Variants in OSBPL11 observed in about 807,000 individuals in gnomAD.
OSBPL11 encodes oxysterol-binding protein-related protein 11.
In OSBPL11, 33 loss-of-function variants were observed where a neutral mutation model predicts 84.4. The observed-to-expected ratio is 0.39, with a 90% CI of 0.30 to 0.52. OSBPL11 has a LOEUF of 0.52. OSBPL11 is among the 20% of genes least tolerant of loss of function. OSBPL11 has a pLI of 0.72. For synonymous variants in OSBPL11, 276 were observed against 310.2 expected, an observed-to-expected ratio of 0.89 and a Z score of 1.16; for missense variants, 736 against 901.1, an observed-to-expected ratio of 0.82 and a Z score of 2.35.
intron 6 of OSBPL11, among the ~76,000 whole-genome samples, chr3:125,564,355 T>G (rs1215345487): frequency 2.0e-5 from 3 of 152,178 alleles, no homozygotes; most frequent in Non-Finnish European, 2.9e-5. Context: ...TTCGAAATCA[T>G]TTTTTAAAAA....
intron 5 of OSBPL11, among the ~76,000 whole-genome samples, chr3:125,568,688 C>G (rs1936199108): frequency 1.3e-5 from 2 of 152,154 alleles, no homozygotes; most frequent in South Asian, 4.1e-4. Flanking sequence ...TGGATGCAAG[C>G]TTTTCAGTTT....
At chr3:125,562,479 T>C (rs1464879988) in intron 7 of OSBPL11, among the ~76,000 whole-genome samples, 2 of 152,226 alleles carry the variant, frequency 1.3e-5, no homozygotes, top group East Asian at 1.9e-4. Flanking sequence ...GCCTGTCTTA[T>C]CAAGCCAAAA....
At chr3:125,563,269 A>G (rs1475655088) in intron 7 of OSBPL11, among the ~76,000 whole-genome samples, 1 of 152,176 alleles carries the variant, frequency 6.6e-6, no homozygotes, top group Non-Finnish European at 1.5e-5. Flanking sequence ...AAGTAGGGTA[A>G]TACTTGAAAC....
intron 9 of OSBPL11, among the ~76,000 whole-genome samples, chr3:125,548,337 A>G (rs1329824469): frequency 1.3e-5 from 2 of 152,156 alleles, no homozygotes; most frequent in Non-Finnish European, 2.9e-5. Flanking sequence ...GTATAATGGG[A>G]AAAAATTGTT....
chr3:125,552,068 C>T (rs1019037013), intron 9 of OSBPL11, 113 bp downstream of exon 9: 63 of 578,546 alleles, frequency 1.1e-4, no homozygotes, highest in Non-Finnish European at 1.4e-4. Flanking sequence ...TCCTTTCTTT[C>T]CTGTTCTAAA....
At chr3:125,530,710 T>G (rs1360603223) in intron 12 of OSBPL11, 130 bp from the exon 13 acceptor site, 1 of 753,212 alleles carries the variant, frequency 1.3e-6, no homozygotes, top group Non-Finnish European at 2.3e-6. Context: ...TGTGAAGGAA[T>G]AAAGTCTTTG....
chr3:125,530,504 G>T lies in OSBPL11; in HGVS notation c.*11C>A, dbSNP rs771833550. On this transcript the variant is annotated 3_prime_UTR_variant, in exon 13 of 13. Transcript: ENST00000296220. ...AAGAACCTCATTTGGTCGAGTTTTA[G>T]ATAGTATGTGTCACTCTGCTGGTTG... 1.9e-6 allele frequency: 3 copies of T among 1,612,122 alleles called. No homozygotes were observed. The Admixed American group carries it at 5.0e-5, about 27-fold the overall frequency.
intron 1 of OSBPL11, among the ~76,000 whole-genome samples, chr3:125,594,348 A>G (rs1187294235): frequency 6.6e-6 from 1 of 152,248 alleles, no homozygotes; most frequent in East Asian, 1.9e-4. Flanking sequence ...AGGCAAAAGC[A>G]GAAGTGAGTA....
chr3:125,567,808 C>T (rs1207335268), intron 5 of OSBPL11, among the ~76,000 whole-genome samples: 1 of 151,746 alleles, frequency 6.6e-6, no homozygotes, highest in Non-Finnish European at 1.5e-5. Context: ...GCCTAGGCAA[C>T]ATAGCAAGAC....
In OSBPL11 at chr3:125,560,457, G is replaced by A. The variant is rs1312418860; in HGVS notation, c.1077C>T (p.Asp359=). The stretch of plus-strand genomic sequence containing the variant: ...TACGTTGTTCTTCTACAGCTCCCAG[G>A]TCATCCTCTTTGTGGTCACATGTAT... The part of the protein sequence containing the change: ...IEDTCDHKED[D]LGAVEEQRSV... Residue 359 remains aspartate, a synonymous_variant, in exon 8 of 13, where the codon GAC becomes GAT. Coordinates refer to ENST00000296220, the MANE Select transcript of OSBPL11 (RefSeq NM_022776.5). The A allele has an allele frequency of 6.2e-7, 1 of 1,608,500 alleles. No homozygotes were observed. The highest frequency in any genetic ancestry group is 1.7e-5 in the Admixed American group (1 of 59,714).
chr3:125,593,352 G>C (rs1219228205), intron 1 of OSBPL11, among the ~76,000 whole-genome samples: 1 of 152,168 alleles, frequency 6.6e-6, no homozygotes, highest in African/African-American at 2.4e-5. Context: ...AGGCGCGGTG[G>C]CTCAAGCCTG....
At chr3:125,557,769 T>C (rs898303412) in intron 8 of OSBPL11, among the ~76,000 whole-genome samples, 3 of 151,572 alleles carry the variant, frequency 2.0e-5, no homozygotes, top group Admixed American at 6.6e-5. Flanking sequence ...TAATGTAATA[T>C]ATGTGTAACA....
intron 5 of OSBPL11, among the ~76,000 whole-genome samples, chr3:125,575,927 A>G (rs1052088040): frequency 1.2e-4 from 18 of 151,264 alleles, no homozygotes; most frequent in Non-Finnish European, 2.5e-4. Context: ...AAATTTACAT[A>G]AAAGGAGTCT....
Position 125,550,413 on chromosome 3 carries a change from CA to C in OSBPL11, c.1654+1767del, listed in dbSNP as rs796125826. ...CACACACACACACACACACAACAAA[CA>C]AAAAAAAAAAAAGAGAGTACTTTCT... is the stretch of plus-strand genomic sequence containing the variant. On this transcript the variant is annotated intron_variant, in intron 9 of 12. Coordinates refer to ENST00000296220, the MANE Select transcript of OSBPL11 (RefSeq NM_022776.5). Among the ~76,000 whole-genome samples the C allele has an allele frequency of 5.7e-3, 566 of 99,590 alleles. 3 individuals are homozygous for C. The highest frequency in any genetic ancestry group is 0.032 in the Middle Eastern group (6 of 188). The allele number at this position is 99,590 out of a possible 152,430, so 65.3% of individuals were successfully genotyped here.
intron 1 of OSBPL11, among the ~76,000 whole-genome samples, chr3:125,593,920 C>T (rs1019403493): frequency 1.5e-4 from 23 of 152,168 alleles, no homozygotes; most frequent in African/African-American, 5.3e-4. Context: ...AGTTCTTTCT[C>T]CCTACACTTC....
chr3:125,530,619 A>G, intron 12 of OSBPL11, 39 bp from the exon 13 acceptor site: 1 of 1,538,206 alleles, frequency 6.5e-7, no homozygotes, highest in Non-Finnish European at 9.0e-7. Context: ...TCCCTCTAAT[A>G]TTATCAAAAT....
intron 7 of OSBPL11, among the ~76,000 whole-genome samples, chr3:125,562,346 C>CTAAGCT (rs1936091040): frequency 6.6e-6 from 1 of 152,148 alleles, no homozygotes; most frequent in Non-Finnish European, 1.5e-5. Flanking sequence ...TTGCCATATA[C>CTAAGCT]TAAGCTTAAT....
At chr3:125,531,352 C>T (rs559618876) in intron 12 of OSBPL11, among the ~76,000 whole-genome samples, 122 of 146,554 alleles carry the variant, frequency 8.3e-4, no homozygotes, top group East Asian at 4.0e-3. Context: ...AGTGCAATGG[C>T]GCAATCTTGG....
Position 125,579,014 on chromosome 3 carries a change from G to A in OSBPL11, c.435C>T (p.His145=). 1 of 1,595,146 alleles carries A rather than the reference G, an allele frequency of 6.3e-7. No individual in the cohort carries two copies. The highest frequency in any genetic ancestry group is 8.5e-7 in the Non-Finnish European group (1 of 1,170,464). The change falls in exon 4 of 13, where the codon CAC becomes CAT. Residue 145 remains histidine, a synonymous_variant. Coordinates refer to ENST00000296220, the MANE Select transcript of OSBPL11 (RefSeq NM_022776.5). ...TACATATCTGAAGTCTGCTAACCCAGTGCTGTCGCTCTTTTGCATCTGTAG... is the reference window on the plus strand; with the variant it reads ...TACATATCTGAAGTCTGCTAACCCAATGCTGTCGCTCTTTTGCATCTGTAG... ...LRATDAKERQ[H]WVSRLQICTQ... is the part of the protein sequence containing the mutation.
Sources: allele counts gnomAD v4.1 joint callset (sites outside exome capture counted in the v4.1 genomes callset), GRCh38; gene constraint gnomAD v4.1.1; transcripts MANE v1.5; gene names NCBI Gene and HGNC (gene_info 2026-07-23, HGNC 2026-07-21).